HACD2: variants seen among roughly 807,000 people sequenced by gnomAD.
The protein encoded by HACD2 is 3-hydroxyacyl-CoA dehydratase 2.
In HACD2, 15 loss-of-function variants were observed where a neutral mutation model predicts 31.0. That is an observed-to-expected ratio of 0.48 (90% CI 0.32 to 0.75). The LOEUF (loss-of-function observed/expected upper bound fraction) is 0.75. Ranked by LOEUF, HACD2 falls within the 30% of genes least tolerant of loss-of-function variation. HACD2 has a pLI of 0.03. For synonymous variants in HACD2, 115 were observed against 122.2 expected (o/e 0.94, Z 0.39); for missense variants, 283 against 313.0 (o/e 0.90, Z 0.72).
chr3:123,508,724 C>G (rs1322656873), intron 4 of HACD2, among the ~76,000 whole-genome samples: 1 of 152,148 alleles, frequency 6.6e-6, no homozygotes, highest in African/African-American at 2.4e-5. Context: ...CTAGGCTTTG[C>G]TTTTGGAAAA....
intron 4 of HACD2, among the ~76,000 whole-genome samples, chr3:123,519,028 A>G (rs1424241406): frequency 3.3e-5 from 5 of 151,354 alleles, no homozygotes; most frequent in Non-Finnish European, 5.9e-5. Flanking sequence ...AAAGCAGAGC[A>G]AGAGGAAGTG....
At chr3:123,505,962 C>A (rs1203531835) in intron 4 of HACD2, among the ~76,000 whole-genome samples, 2 of 152,218 alleles carry the variant, frequency 1.3e-5, no homozygotes, top group African/African-American at 4.8e-5. Context: ...ACCAGGACTG[C>A]CCAGGAAGGT....
chr3:123,570,988 AAAG>A (rs1262961507), intron 2 of HACD2, among the ~76,000 whole-genome samples: 2 of 151,724 alleles, frequency 1.3e-5, no homozygotes, highest in Non-Finnish European at 2.9e-5. Flanking sequence ...AGTCTATATG[AAAG>A]AAATACAATG....
At chr3:123,580,791 GA>G (rs71142746) in intron 2 of HACD2, among the ~76,000 whole-genome samples, 14,025 of 108,044 alleles carry the variant, frequency 0.13, 1,558 homozygotes, top group East Asian at 0.4. Flanking sequence ...CCTGTCTCAA[GA>G]AAAAAAAAAA....
intron 3 of HACD2, among the ~76,000 whole-genome samples, 192 bp downstream of exon 3, chr3:123,567,570 T>G (rs985296134): frequency 7.2e-5 from 11 of 152,246 alleles, no homozygotes; most frequent in African/African-American, 2.7e-4. Context: ...AATAAAGTGT[T>G]CAGTCATGAC....
At chr3:123,497,148 C>T (rs1182824219) in intron 6 of HACD2, among the ~76,000 whole-genome samples, 1 of 152,214 alleles carries the variant, frequency 6.6e-6, no homozygotes, top group Non-Finnish European at 1.5e-5. Flanking sequence ...TCTGAATCAC[C>T]TACATGTTCA....
intron 2 of HACD2, among the ~76,000 whole-genome samples, chr3:123,574,515 A>T (rs1015169595): frequency 1.3e-5 from 2 of 152,184 alleles, no homozygotes; most frequent in Non-Finnish European, 2.9e-5. Flanking sequence ...CCTGCCATTA[A>T]AAAAATTAAC....
At chr3:123,559,913 C>T (rs938524710) in intron 3 of HACD2, among the ~76,000 whole-genome samples, 2 of 152,144 alleles carry the variant, frequency 1.3e-5, no homozygotes, top group Non-Finnish European at 2.9e-5. Flanking sequence ...GTGGTGTATA[C>T]CTGGGTAAGT....
At chr3:123,550,424 A>G (rs2056607800) in intron 3 of HACD2, among the ~76,000 whole-genome samples, 1 of 152,162 alleles carries the variant, frequency 6.6e-6, no homozygotes, top group African/African-American at 2.4e-5. Context: ...AAAGGGCAAG[A>G]GGGAAGAGAA....
rs149886336 is a variant in HACD2 at position 123,580,358 on chromosome 3, C to T, written c.273+1854G>A. On this transcript the variant is annotated intron_variant, in intron 2 of 6. Coordinates refer to ENST00000383657, the MANE Select transcript of HACD2 (RefSeq NM_198402.5). Reference sequence around the variant, plus strand: ...AGGCACGGTAGTGCACGCCTGTGGTCCCAGCTACTTGGGAGGATGAGGTGG... The same window carrying T: ...AGGCACGGTAGTGCACGCCTGTGGTTCCAGCTACTTGGGAGGATGAGGTGG... 4.2e-3 allele frequency among the ~76,000 whole-genome samples: 639 copies of T among 152,124 alleles called. 3 individuals carry two copies. The highest frequency in any genetic ancestry group is 0.014 in the African/African-American group (597 of 41,502).
chr3:123,530,705 C>A (rs1203729554), intron 3 of HACD2, among the ~76,000 whole-genome samples: 1 of 151,768 alleles, frequency 6.6e-6, no homozygotes, highest in Non-Finnish European at 1.5e-5. Flanking sequence ...CTGCGCCCGG[C>A]CTGCCCAGGT....
intron 3 of HACD2, among the ~76,000 whole-genome samples, chr3:123,556,136 T>C (rs1451985948): frequency 6.6e-6 from 1 of 151,504 alleles, no homozygotes; most frequent in African/African-American, 2.4e-5. Flanking sequence ...CAAGACCCCA[T>C]CTCTAAAAAA....
intron 3 of HACD2, among the ~76,000 whole-genome samples, chr3:123,566,934 C>A (rs2056798601): frequency 1.3e-5 from 2 of 152,138 alleles, no homozygotes; most frequent in Non-Finnish European, 2.9e-5. Context: ...TACCTGTGCG[C>A]CCATCTGAAC....
rs140449892 is a variant in HACD2 at position 123,527,247 on chromosome 3, G to A, written c.381+1139C>T. On this transcript the variant is annotated intron_variant, in intron 4 of 6. Transcript: ENST00000383657. ...CAAAAGTATGAGAGGAAGAAATATC[G>A]CAGTCCTTGCTTATCTGAAGTTTCA... Among the ~76,000 whole-genome samples, 274 of 152,256 alleles carry A rather than the reference G, an allele frequency of 1.8e-3. 2 individuals are homozygous for A. The highest frequency in any genetic ancestry group is 6.4e-3 in the African/African-American group (268 of 41,560).
chr3:123,569,154 T>C (rs188717920), intron 2 of HACD2, among the ~76,000 whole-genome samples: 1 of 152,276 alleles, frequency 6.6e-6, no homozygotes, highest in East Asian at 1.9e-4. Flanking sequence ...TGCTGGTAAC[T>C]GACAGGAGAA....
At chr3:123,536,058 A>G (rs985405001) in intron 3 of HACD2, among the ~76,000 whole-genome samples, 6 of 152,010 alleles carry the variant, frequency 3.9e-5, no homozygotes, top group African/African-American at 1.4e-4. Context: ...TCTTTTTTCA[A>G]TTTTTTATAT....
At chr3:123,505,040 C>T (rs988042001) in intron 4 of HACD2, among the ~76,000 whole-genome samples, 4 of 152,178 alleles carry the variant, frequency 2.6e-5, no homozygotes, top group East Asian at 1.9e-4. Flanking sequence ...ATACATACAG[C>T]GGGATATTAT....
intron 6 of HACD2, chr3:123,499,420 G>A (rs1196083575): frequency 6.5e-6 from 2 of 307,564 alleles, no homozygotes; most frequent in South Asian, 5.9e-5. Context: ...GCACTAGAGA[G>A]GACTCAACAT....
chr3:123,567,612 A>C (rs949332653), intron 3 of HACD2, 150 bp downstream of exon 3: 2 of 474,930 alleles, frequency 4.2e-6, no homozygotes, highest in African/African-American at 4.0e-5. Context: ...TCAGAAACTG[A>C]AAGCCACTCT....
Sources: allele counts gnomAD v4.1 joint callset (sites outside exome capture counted in the v4.1 genomes callset), GRCh38; gene constraint gnomAD v4.1.1; transcripts MANE v1.5; gene names NCBI Gene and HGNC (gene_info 2026-07-23, HGNC 2026-07-21).